FAM171A1: variants seen among roughly 807,000 people sequenced by gnomAD.
The protein encoded by FAM171A1 is family with sequence similarity 171 member A1, also known as protein FAM171A1.
A neutral mutation model predicts 74.9 loss-of-function variants in FAM171A1; 23 were observed. That is an observed-to-expected ratio of 0.31 (90% confidence interval 0.22 to 0.44). FAM171A1 has a LOEUF of 0.44. Ranked by LOEUF, FAM171A1 falls within the 20% of genes least tolerant of loss-of-function variation. The pLI is 1.00. For missense variants in FAM171A1, 1,162 were observed against 1,159.2 expected (o/e 1.00, Z -0.03); for synonymous variants, 527 against 505.7 (o/e 1.04, Z -0.57).
At chr10:15,347,876 G>C (rs1322983586) in intron 1 of FAM171A1, among the ~76,000 whole-genome samples, 3 of 148,630 alleles carry the variant, frequency 2.0e-5, no homozygotes, top group Admixed American at 2.0e-4. Flanking sequence ...AAAAGAAAAA[G>C]CTGCAGAATT....
chr10:15,241,010 G>A (rs1834357414), intron 5 of FAM171A1: 1 of 151,984 alleles, frequency 6.6e-6, no homozygotes, highest in Non-Finnish European at 1.5e-5. Context: ...TGCAGCCTGG[G>A]TGACAGAGCA....
upstream of FAM171A1, among the ~76,000 whole-genome samples, chr10:15,373,816 T>G (rs1836175559): frequency 6.6e-6 from 1 of 152,232 alleles, no homozygotes; most frequent in African/African-American, 2.4e-5. Context: ...GATCTTAGTA[T>G]AGAGTTCCAG....
At chr10:15,352,330 C>G (rs1354589891) in intron 1 of FAM171A1, among the ~76,000 whole-genome samples, 2 of 152,138 alleles carry the variant, frequency 1.3e-5, no homozygotes, top group South Asian at 2.1e-4. Context: ...TTAGTCCATT[C>G]TCTCATGGAC....
At chr10:15,262,200 C>T (rs1002098718) in intron 3 of FAM171A1, among the ~76,000 whole-genome samples, 5 of 152,122 alleles carry the variant, frequency 3.3e-5, no homozygotes, top group East Asian at 1.9e-4. Context: ...TGAAAGATTC[C>T]GATTTGTTTT....
At chr10:15,233,953 G>A (rs1834245153) in intron 5 of FAM171A1, among the ~76,000 whole-genome samples, 1 of 151,208 alleles carries the variant, frequency 6.6e-6, no homozygotes, top group South Asian at 2.1e-4. Flanking sequence ...TGGCTGGAGT[G>A]TACTAGGTGC....
intron 6 of FAM171A1, among the ~76,000 whole-genome samples, chr10:15,218,962 C>G (rs1834001425): frequency 6.6e-6 from 1 of 152,096 alleles, no homozygotes; most frequent in African/African-American, 2.4e-5. Context: ...GGAGCTACGT[C>G]TGGCAGTTCC....
At chr10:15,361,135 A>T (rs1303734723) in intron 1 of FAM171A1, among the ~76,000 whole-genome samples, 2 of 152,234 alleles carry the variant, frequency 1.3e-5, no homozygotes, top group Admixed American at 1.3e-4. Context: ...ATTAATAATT[A>T]AACAACTAAG....
At chr10:15,291,099 C>T (rs887926240) in intron 1 of FAM171A1, among the ~76,000 whole-genome samples, 1 of 152,224 alleles carries the variant, frequency 6.6e-6, no homozygotes, top group Non-Finnish European at 1.5e-5. Context: ...ATCCTCCTGC[C>T]TCAACCTCCC....
chr10:15,214,744 AC>A, intron 7 of FAM171A1, 143 bp from the exon 8 acceptor site: 2 of 1,013,178 alleles, frequency 2.0e-6, no homozygotes, highest in Non-Finnish European at 2.7e-6. Flanking sequence ...AAGCCTTCTC[AC>A]CCCACGCCCT....
In FAM171A1 at chr10:15,212,711, G is replaced by A. The variant is rs1833905636; in HGVS notation, c.*204C>T. On this transcript the variant is annotated 3_prime_UTR_variant, in exon 8 of 8. Transcript: ENST00000378116. The stretch of plus-strand genomic sequence containing the variant: ...CTTTCAGCCACCTCCTTGCAGGGGC[G>A]ACATCCGCCAAAGTCATCCTTTATT... 5.4e-6 allele frequency: 4 copies of A among 735,618 alleles called. No homozygotes were observed. The highest frequency in any genetic ancestry group is 8.5e-6 in the Non-Finnish European group (4 of 469,428). 45.6% of individuals were successfully genotyped at this position (735,618 alleles called of 1,614,324 possible).
rs115557315 is a variant in FAM171A1, at chr10:15,222,318, C to T, written c.755-1258G>A. Among the ~76,000 whole-genome samples the T allele has an allele frequency of 5.0e-3, 767 of 152,284 alleles. 7 individuals carry two copies. Among genetic ancestry groups the T allele is most frequent in the African/African-American group, 0.018 (740 of 41,538 alleles). On this transcript the variant is annotated intron_variant, in intron 5 of 7. Coordinates refer to ENST00000378116, the MANE Select transcript of FAM171A1 (RefSeq NM_001010924.2). ...AATGCATTGTTCATCGCTGTGCAAA[C>T]ATCATAGAGCGTCCTTATGCAAACC... is the stretch of plus-strand genomic sequence containing the variant.
chr10:15,302,407 G>A (rs1835241208), intron 1 of FAM171A1, among the ~76,000 whole-genome samples: 1 of 151,654 alleles, frequency 6.6e-6, no homozygotes. Flanking sequence ...GGAGGTCGCA[G>A]TGCGCCGAAA....
chr10:15,313,872 G>A (rs1490536737), intron 1 of FAM171A1, among the ~76,000 whole-genome samples: 1 of 152,206 alleles, frequency 6.6e-6, no homozygotes, highest in African/African-American at 2.4e-5. Flanking sequence ...CCCAACCGAG[G>A]GTTGATCTGT....
rs536654412 is a variant in FAM171A1 at position 15,228,886 on chromosome 10, T to C, written c.755-7826A>G. On this transcript the variant is annotated intron_variant, in intron 5 of 7. Transcript: ENST00000378116. ...CATCACTGAACCACTGGTGCAATCC[T>C]AGAGCCACCTGCCTCATGTTTCTTT... 1.9e-3 allele frequency among the ~76,000 whole-genome samples: 289 copies of C among 152,352 alleles called. 2 individuals carry two copies. The South Asian group carries it at 0.021, about 11-fold the overall frequency.
chr10:15,230,817 A>C (rs756654541), intron 5 of FAM171A1, among the ~76,000 whole-genome samples: 2 of 152,238 alleles, frequency 1.3e-5, no homozygotes, highest in Non-Finnish European at 2.9e-5. Flanking sequence ...ATTTAATGAG[A>C]GACTTCTGAA....
chr10:15,357,951 T>A (rs1235119306), intron 1 of FAM171A1, among the ~76,000 whole-genome samples: 2 of 152,214 alleles, frequency 1.3e-5, no homozygotes, highest in Non-Finnish European at 2.9e-5. Context: ...TTTCTGAGTC[T>A]TTGTATAAGC....
At chr10:15,357,273 A>T (rs566825789) in intron 1 of FAM171A1, among the ~76,000 whole-genome samples, 5 of 152,288 alleles carry the variant, frequency 3.3e-5, no homozygotes, top group African/African-American at 1.2e-4. Context: ...ACAGAGCGAG[A>T]CTCCGTCTCA....
rs745619143 is a variant in FAM171A1, at chr10:15,275,930, G to A, written c.343C>T (p.Leu115Phe). ...GCAGAGCGTTCTGGAAGCAGGCCAA[G>A]GCTCAGAGAGGAAAATACTGCAGGA... ...IRLPVFSSLS[L>F]GLLPERSATL... Residue 115 changes from leucine (L) to phenylalanine (F), a missense_variant, in exon 3 of 8, where the codon CTT becomes TTT. Physicochemically the swap from Leu to Phe is conservative, Grantham distance 22 (BLOSUM62 0). Coordinates refer to ENST00000378116, the MANE Select transcript of FAM171A1 (RefSeq NM_001010924.2). 412 of 1,611,186 alleles carry A rather than the reference G, an allele frequency of 2.6e-4. No individual in the cohort carries two copies. Among genetic ancestry groups the A allele is most frequent in the Non-Finnish European group, 3.3e-4 (392 of 1,178,254 alleles).
At chr10:15,247,128 T>C (rs569694087) in intron 5 of FAM171A1, among the ~76,000 whole-genome samples, 11 of 152,344 alleles carry the variant, frequency 7.2e-5, no homozygotes, top group African/African-American at 1.2e-4. Flanking sequence ...TTTTTTCTAA[T>C]TGCAGGGGAT....
Sources: allele counts gnomAD v4.1 joint callset (sites outside exome capture counted in the v4.1 genomes callset), GRCh38; gene constraint gnomAD v4.1.1; transcripts MANE v1.5; gene names NCBI Gene and HGNC (gene_info 2026-07-23, HGNC 2026-07-21).